The following PPP2R2B variants were observed in gnomAD, a reference collection of about 807,000 sequenced individuals.
PPP2R2B encodes the protein protein phosphatase 2 regulatory subunit Bbeta.
PPP2R2B carries 5 observed loss-of-function variants against 46.0 expected under a neutral mutation model. The ratio of observed to expected loss-of-function variants is 0.11; its 90% CI spans 0.06 to 0.23. The LOEUF (loss-of-function observed/expected upper bound fraction) is 0.23, where lower values mean the gene tolerates loss of function less well. PPP2R2B is among the 10% of genes least tolerant of loss of function. The probability of loss-of-function intolerance (pLI) is 1.00; values close to 1 mark genes in which losing one functional copy is unlikely to be tolerated. For synonymous variants in PPP2R2B, 215 were observed against 206.7 expected (o/e 1.04, Z -0.34); for missense variants, 367 against 575.0 (o/e 0.64, Z 3.70).
At chr5:146,985,879 C>CA (rs1167921800) in intron 1 of PPP2R2B, among the ~76,000 whole-genome samples, 1 of 151,882 alleles carries the variant, frequency 6.6e-6, no homozygotes, top group Non-Finnish European at 1.5e-5. Context: ...TTGTGGGATA[C>CA]AAAATCACAA....
At chr5:146,836,794 T>C (rs1295237187) in intron 2 of PPP2R2B, among the ~76,000 whole-genome samples, 2 of 152,222 alleles carry the variant, frequency 1.3e-5, no homozygotes, top group Admixed American at 6.5e-5. Context: ...TTTTTTAATG[T>C]AATGGGCATA....
At chr5:146,984,264 G>A (rs1027351016) in intron 1 of PPP2R2B, among the ~76,000 whole-genome samples, 5 of 151,960 alleles carry the variant, frequency 3.3e-5, no homozygotes, top group African/African-American at 9.7e-5. Flanking sequence ...AACCTCCCAC[G>A]GTCTGGTAAC....
At chr5:147,002,554 G>T (rs904308688) in intron 1 of PPP2R2B, among the ~76,000 whole-genome samples, 3 of 149,356 alleles carry the variant, frequency 2.0e-5, no homozygotes, top group African/African-American at 7.7e-5. Flanking sequence ...CACTAAATCC[G>T]ATTTTTCTCG....
chr5:146,817,716 A>T (rs576984119), intron 2 of PPP2R2B, among the ~76,000 whole-genome samples: 1 of 152,324 alleles, frequency 6.6e-6, no homozygotes, highest in African/African-American at 2.4e-5. Context: ...CCCATTTCCA[A>T]GCTCATTTTC....
At chr5:146,767,909 A>C (rs952126858) in intron 2 of PPP2R2B, among the ~76,000 whole-genome samples, 1 of 152,056 alleles carries the variant, frequency 6.6e-6, no homozygotes, top group Non-Finnish European at 1.5e-5. Flanking sequence ...CCTCTCCCCA[A>C]ACCCTGGCAA....
chr5:146,607,512 C>T (rs1405284717), intron 7 of PPP2R2B, among the ~76,000 whole-genome samples: 1 of 152,200 alleles, frequency 6.6e-6, no homozygotes, highest in African/African-American at 2.4e-5. Flanking sequence ...ACAAGGCATA[C>T]AATGCATAGC....
intron 1 of PPP2R2B, among the ~76,000 whole-genome samples, chr5:146,930,592 G>A (rs1437974287): frequency 2.0e-5 from 3 of 152,234 alleles, no homozygotes; most frequent in African/African-American, 7.2e-5. Context: ...CCCAGGTTAA[G>A]GTGGTAATCT....
intron 2 of PPP2R2B, among the ~76,000 whole-genome samples, chr5:146,745,069 A>T (rs1753090922): frequency 6.6e-6 from 1 of 151,588 alleles, no homozygotes; most frequent in Admixed American, 6.6e-5. Flanking sequence ...AAAGCTGGGC[A>T]CTGTGGCAAT....
chr5:146,714,085 C>CAGAAGA (rs1361397561), intron 2 of PPP2R2B, among the ~76,000 whole-genome samples: 2 of 151,530 alleles, frequency 1.3e-5, no homozygotes, highest in African/African-American at 4.8e-5. Context: ...AAGTTGGGGA[C>CAGAAGA]AGAAGAAGAA....
chr5:146,850,837 G>A (rs1332762724), intron 2 of PPP2R2B, among the ~76,000 whole-genome samples: 1 of 152,054 alleles, frequency 6.6e-6, no homozygotes, highest in Non-Finnish European at 1.5e-5. Flanking sequence ...CCCATAGCTG[G>A]TATACAATAA....
At chr5:146,933,121 T>A (rs1423660459) in intron 1 of PPP2R2B, among the ~76,000 whole-genome samples, 1 of 152,234 alleles carries the variant, frequency 6.6e-6, no homozygotes, top group African/African-American at 2.4e-5. Context: ...TGAGAAATTC[T>A]TATATATATT....
intron 7 of PPP2R2B, among the ~76,000 whole-genome samples, chr5:146,616,364 C>T (rs1773170439): frequency 6.6e-6 from 1 of 152,050 alleles, no homozygotes; most frequent in South Asian, 2.1e-4. Flanking sequence ...GCACAAGCAA[C>T]CAAAGCAAAA....
At chr5:146,706,528 T>C in intron 2 of PPP2R2B, 1 of 1,169,978 alleles carries the variant, frequency 8.5e-7, no homozygotes, top group Non-Finnish European at 1.3e-6. Context: ...TGCCGCGCCA[T>C]GTCCTACTTG....
intron 9 of PPP2R2B, 28 bp from the exon 10 acceptor site, chr5:146,590,254 C>CCGAGTATT (rs199943453): frequency 2.5e-6 from 4 of 1,603,828 alleles, no homozygotes; most frequent in Non-Finnish European, 3.4e-6. Context: ...AAGGCAATGA[C>CCGAGTATT]ATATCTTCAC....
intron 2 of PPP2R2B, among the ~76,000 whole-genome samples, chr5:146,871,523 G>A (rs1384205463): frequency 6.6e-6 from 1 of 152,204 alleles, no homozygotes; most frequent in East Asian, 1.9e-4. Flanking sequence ...TATAACAGAA[G>A]AAATCTACAG....
intron 1 of PPP2R2B, among the ~76,000 whole-genome samples, chr5:146,979,949 C>T (rs763030050): frequency 1.8e-4 from 27 of 152,168 alleles, no homozygotes; most frequent in Non-Finnish European, 2.6e-4. Context: ...GAAAATGGTA[C>T]GTGTGTGTAT....
At chr5:146,661,575 G>A (rs776463843) in intron 5 of PPP2R2B, among the ~76,000 whole-genome samples, 1 of 152,050 alleles carries the variant, frequency 6.6e-6, no homozygotes, top group Non-Finnish European at 1.5e-5. Context: ...AAGCTGCCTG[G>A]GGAATTAATG....
chr5:146,974,932 G>A (rs1029391318), intron 1 of PPP2R2B, among the ~76,000 whole-genome samples: 2 of 151,824 alleles, frequency 1.3e-5, no homozygotes, highest in Non-Finnish European at 2.9e-5. Flanking sequence ...CTCGTGATCC[G>A]CCCACCTCTG....
In PPP2R2B at chr5:146,916,051, A is replaced by G. The variant is rs115022377; in HGVS notation, c.79+139614T>C. On this transcript the variant is annotated intron_variant, in intron 1 of 8. Coordinates refer to the PPP2R2B transcript ENST00000336640. ...TTCCCATTAAACTAAAAGCTCCTTG[A>G]AGACAATACATTAGTATAGCATCTC... 2.0e-3 allele frequency among the ~76,000 whole-genome samples: 303 copies of G among 152,302 alleles called. 4 individuals are homozygous for G. Among genetic ancestry groups the G allele is most frequent in the African/African-American group, 7.0e-3 (291 of 41,568 alleles).
Sources: gnomAD v4.1 joint callset for allele counts (sites outside exome capture counted in the v4.1 genomes callset) on GRCh38, gnomAD v4.1.1 for gene constraint, MANE v1.5 for transcripts, NCBI Gene and HGNC (gene_info 2026-07-23, HGNC 2026-07-21) for gene names.